The following TMEM117 variants were observed in gnomAD, a reference collection of about 807,000 sequenced individuals.
TMEM117 encodes transmembrane protein 117.
In TMEM117, 27 loss-of-function variants were observed where a neutral mutation model predicts 52.4. The ratio of observed to expected loss-of-function variants is 0.51; its 90% confidence interval spans 0.38 to 0.71. The LOEUF (loss-of-function observed/expected upper bound fraction) is 0.71. Among genes scored for constraint, TMEM117 ranks in the 30% least tolerant of loss-of-function variants. TMEM117 has a pLI of 0.00. For synonymous variants in TMEM117, 215 were observed against 206.3 expected, an observed-to-expected ratio of 1.04 and a Z score of -0.36; for missense variants, 556 against 630.5, an observed-to-expected ratio of 0.88 and a Z score of 1.26.
At chr12:44,298,937 T>A (rs1172365114) in intron 5 of TMEM117, among the ~76,000 whole-genome samples, 1 of 150,598 alleles carries the variant, frequency 6.6e-6, no homozygotes, top group Non-Finnish European at 1.5e-5. Context: ...CTGCCTTATC[T>A]TCTTACATTG....
At chr12:43,995,691 A>G (rs1248085243) in intron 3 of TMEM117, among the ~76,000 whole-genome samples, 1 of 152,208 alleles carries the variant, frequency 6.6e-6, no homozygotes. Flanking sequence ...CTCCCATTAG[A>G]TAATGCTAGC....
chr12:43,834,109 A>G (rs1942998302), upstream of TMEM117, among the ~76,000 whole-genome samples: 1 of 152,194 alleles, frequency 6.6e-6, no homozygotes, highest in Non-Finnish European at 1.5e-5. Flanking sequence ...AATAGTAGTA[A>G]TAAAAGAAAT....
intron 3 of TMEM117, among the ~76,000 whole-genome samples, chr12:44,140,439 T>C (rs1948555071): frequency 6.6e-6 from 1 of 152,140 alleles, no homozygotes. Flanking sequence ...CAAATATTTA[T>C]TAATTCTCCA....
the TMEM117 span, among the ~76,000 whole-genome samples, chr12:43,801,509 A>T: frequency 6.6e-6 from 1 of 152,178 alleles, no homozygotes; most frequent in East Asian, 1.9e-4. Flanking sequence ...CCATATTCAT[A>T]TATTAATTCT....
At chr12:43,925,728 T>TTA (rs1944768377) in intron 2 of TMEM117, among the ~76,000 whole-genome samples, 4 of 152,188 alleles carry the variant, frequency 2.6e-5, no homozygotes, top group Admixed American at 2.6e-4. Flanking sequence ...TACCTATGAA[T>TTA]TATATATATT....
intron 5 of TMEM117, among the ~76,000 whole-genome samples, chr12:44,277,421 A>G (rs1950527844): frequency 6.6e-6 from 1 of 152,198 alleles, no homozygotes; most frequent in African/African-American, 2.4e-5. Context: ...TCTTAAAAAA[A>G]AAGACCCATT....
At chr12:44,203,269 T>C (rs1387690076) in intron 4 of TMEM117, among the ~76,000 whole-genome samples, 2 of 152,214 alleles carry the variant, frequency 1.3e-5, no homozygotes, top group African/African-American at 4.8e-5. Flanking sequence ...CAGCAGTCTG[T>C]GAGGTTCTTC....
intron 2 of TMEM117, among the ~76,000 whole-genome samples, chr12:43,863,444 A>T (rs949318901): frequency 5.9e-5 from 9 of 152,148 alleles, no homozygotes. Flanking sequence ...AGATTTTTAG[A>T]GTGACTCTTT....
intron 3 of TMEM117, among the ~76,000 whole-genome samples, chr12:43,950,152 C>A (rs1331560889): frequency 2.0e-5 from 3 of 152,180 alleles, no homozygotes; most frequent in Admixed American, 2.0e-4. Context: ...AAAGTGTTGA[C>A]CTAAAAGGAA....
At chr12:44,071,750 A>AT (rs956309575) in intron 3 of TMEM117, among the ~76,000 whole-genome samples, 1 of 152,166 alleles carries the variant, frequency 6.6e-6, no homozygotes, top group Non-Finnish European at 1.5e-5. Flanking sequence ...TTTCACAGAT[A>AT]GGTAATATCA....
chr12:43,975,902 T>C (rs55912858), intron 3 of TMEM117, among the ~76,000 whole-genome samples: 11,528 of 152,170 alleles, frequency 0.076, 698 homozygotes, highest in African/African-American at 0.18. Flanking sequence ...GACTGATAGC[T>C]GGATGACCCT....
intron 6 of TMEM117, among the ~76,000 whole-genome samples, chr12:44,320,293 T>C (rs1485697597): frequency 6.6e-6 from 1 of 152,222 alleles, no homozygotes; most frequent in Non-Finnish European, 1.5e-5. Context: ...TAGACTCTTA[T>C]CACCTATACC....
chr12:43,826,233 A>G, the TMEM117 span, among the ~76,000 whole-genome samples: 1 of 152,176 alleles, frequency 6.6e-6, no homozygotes, highest in East Asian at 1.9e-4. Flanking sequence ...GGGTAATCCA[A>G]TTCTTCTGCG....
At chr12:44,123,269 T>G (rs576145624) in intron 3 of TMEM117, among the ~76,000 whole-genome samples, 2 of 152,266 alleles carry the variant, frequency 1.3e-5, no homozygotes, top group Middle Eastern at 3.4e-3. Context: ...TAAATTTGTT[T>G]AAGTTACATA....
Position 44,002,791 on chromosome 12 carries a change from G to T in TMEM117, c.410+58449G>T, listed in dbSNP as rs572670489. On this transcript the variant is annotated intron_variant, in intron 3 of 7. Transcript: ENST00000266534. ...TGTCTGAACCCACAGTGGTAGGAAG[G>T]AGTGGGCAGCATGGACGGAGAAGAG... is the stretch of plus-strand genomic sequence containing the variant. Among the ~76,000 whole-genome samples, 3 of 151,792 alleles carry T rather than the reference G, an allele frequency of 2.0e-5. No homozygotes were observed. In the East Asian group the frequency reaches 5.8e-4, roughly 29 times the overall value.
intron 3 of TMEM117, among the ~76,000 whole-genome samples, chr12:44,108,013 T>A (rs893121642): frequency 9.2e-5 from 14 of 152,096 alleles, no homozygotes; most frequent in African/African-American, 3.4e-4. Context: ...TCTGTAACTT[T>A]GTTTGCTTAT....
chr12:43,822,207 A>G, the TMEM117 span, among the ~76,000 whole-genome samples: 1 of 152,240 alleles, frequency 6.6e-6, no homozygotes, highest in African/African-American at 2.4e-5. Flanking sequence ...GGCTTTGGGA[A>G]GACAGTTACT....
chr12:43,810,683 A>G, the TMEM117 span, among the ~76,000 whole-genome samples: 2 of 152,186 alleles, frequency 1.3e-5, no homozygotes, highest in African/African-American at 4.8e-5. Context: ...AGGGATGCTC[A>G]GTGAGATTAT....
At chr12:43,992,524 C>G (rs902913188) in intron 3 of TMEM117, among the ~76,000 whole-genome samples, 1 of 152,188 alleles carries the variant, frequency 6.6e-6, no homozygotes, top group East Asian at 1.9e-4. Context: ...AGCAATCCTT[C>G]CATCTCAGCC....
Sources: allele counts gnomAD v4.1 joint callset (sites outside exome capture counted in the v4.1 genomes callset), GRCh38; gene constraint gnomAD v4.1.1; transcripts MANE v1.5; gene names NCBI Gene and HGNC (gene_info 2026-07-23, HGNC 2026-07-21).